UNC13C: variants seen among roughly 807,000 people sequenced by gnomAD.
UNC13C encodes the protein protein unc-13 homolog C.
In UNC13C, 174 loss-of-function variants were observed where a neutral mutation model predicts 245.4. The ratio of observed to expected loss-of-function variants is 0.71; its 90% CI spans 0.63 to 0.80. The LOEUF is 0.80. Among genes scored for constraint, UNC13C ranks in the 30% least tolerant of loss-of-function variants. UNC13C has a pLI of 0.00. For synonymous variants in UNC13C, 992 were observed against 895.1 expected (o/e 1.11, Z -1.93); for missense variants, 2,829 against 2,602.9 (o/e 1.09, Z -1.89).
the UNC13C span, among the ~76,000 whole-genome samples, chr15:53,942,143 T>G: frequency 6.6e-6 from 1 of 152,136 alleles, no homozygotes; most frequent in African/African-American, 2.4e-5. Flanking sequence ...AGCAAAGACA[T>G]GGAATCAATC....
At chr15:54,193,444 G>T (rs2034253356) in intron 4 of UNC13C, among the ~76,000 whole-genome samples, 1 of 151,448 alleles carries the variant, frequency 6.6e-6, no homozygotes, top group Non-Finnish European at 1.5e-5. Flanking sequence ...TTTATTTTTT[G>T]CCCTAAAGGC....
At chr15:54,197,665 T>A (rs2034400028) in intron 4 of UNC13C, among the ~76,000 whole-genome samples, 1 of 151,974 alleles carries the variant, frequency 6.6e-6, no homozygotes, top group African/African-American at 2.4e-5. Context: ...CCTTTAAAAA[T>A]AAAGCATCTG....
At chr15:54,452,079 T>TAGGGTGTGA (rs1567285218) in intron 19 of UNC13C, among the ~76,000 whole-genome samples, 3 of 152,218 alleles carry the variant, frequency 2.0e-5, no homozygotes, top group African/African-American at 7.2e-5. Flanking sequence ...AGGGTGTGAT[T>TAGGGTGTGA]CTTAGTGGAG....
chr15:53,976,452 CTTCT>C (rs1303814422), upstream of UNC13C, among the ~76,000 whole-genome samples: 96 of 102,178 alleles, frequency 9.4e-4, 3 homozygotes, highest in Non-Finnish European at 1.6e-3. Flanking sequence ...GTTTTTTTTT[CTTCT>C]TTCTCTCTCT....
chr15:54,071,704 A>G (rs1408271426), intron 2 of UNC13C, among the ~76,000 whole-genome samples: 1 of 152,214 alleles, frequency 6.6e-6, no homozygotes, highest in Non-Finnish European at 1.5e-5. Context: ...TGAAAATTGC[A>G]TACAATTTAA....
At chr15:54,530,076 G>A (rs1334613560) in intron 25 of UNC13C, among the ~76,000 whole-genome samples, 1 of 152,168 alleles carries the variant, frequency 6.6e-6, no homozygotes, top group Non-Finnish European at 1.5e-5. Flanking sequence ...AATCCTTAGA[G>A]TGGGTGAGGC....
intron 2 of UNC13C, among the ~76,000 whole-genome samples, chr15:54,033,415 GCTAA>G (rs1896448253): frequency 6.6e-6 from 1 of 151,976 alleles, no homozygotes; most frequent in African/African-American, 2.4e-5. Context: ...GGATTATTTT[GCTAA>G]CTTATTGACT....
At chr15:53,899,043 GT>G in the UNC13C span, among the ~76,000 whole-genome samples, 2 of 150,984 alleles carry the variant, frequency 1.3e-5, no homozygotes, top group African/African-American at 4.9e-5. Context: ...TTCTTCCAAT[GT>G]GTTTCCATAT....
chr15:53,898,936 C>T, the UNC13C span, among the ~76,000 whole-genome samples: 6 of 152,130 alleles, frequency 3.9e-5, no homozygotes, highest in Non-Finnish European at 8.8e-5. Flanking sequence ...TTGACCAACA[C>T]TTCTCCATAC....
At chr15:54,373,323 G>T (rs781241799) in intron 17 of UNC13C, among the ~76,000 whole-genome samples, 1 of 152,138 alleles carries the variant, frequency 6.6e-6, no homozygotes, top group African/African-American at 2.4e-5. Flanking sequence ...AGTTTTGCTC[G>T]AGCCCACTGG....
chr15:54,299,944 A>G (rs1466968732), intron 12 of UNC13C, among the ~76,000 whole-genome samples: 2 of 152,290 alleles, frequency 1.3e-5, no homozygotes, highest in Non-Finnish European at 2.9e-5. Flanking sequence ...ATCCAGAGCT[A>G]TTATGACATC....
chr15:54,603,216 T>C (rs1407363592), intron 30 of UNC13C, among the ~76,000 whole-genome samples: 1 of 152,204 alleles, frequency 6.6e-6, no homozygotes, highest in Non-Finnish European at 1.5e-5. Context: ...TCTGTGTGGA[T>C]TTGGGAGGAT....
intron 10 of UNC13C, among the ~76,000 whole-genome samples, chr15:54,285,188 G>A (rs2037110143): frequency 6.6e-6 from 1 of 151,620 alleles, no homozygotes. Context: ...ATTGACTTCT[G>A]AAATGGATTT....
upstream of UNC13C, among the ~76,000 whole-genome samples, chr15:53,976,482 T>TTTTA: frequency 7.8e-6 from 1 of 128,782 alleles, no homozygotes; most frequent in Non-Finnish European, 1.7e-5. Context: ...TCTCTCTTTT[T>TTTTA]TTTTTTTTTT....
chr15:54,341,687 C>T (rs574929517), intron 17 of UNC13C, among the ~76,000 whole-genome samples: 3 of 152,274 alleles, frequency 2.0e-5, no homozygotes, highest in South Asian at 2.1e-4. Flanking sequence ...TATTTCTCTG[C>T]TCTTGTTTAA....
the UNC13C span, among the ~76,000 whole-genome samples, chr15:53,926,981 A>T: frequency 6.6e-6 from 1 of 152,166 alleles, no homozygotes; most frequent in Admixed American, 6.5e-5. Flanking sequence ...TTTCCTCCAG[A>T]AAAAGGTCTT....
At chr15:53,904,720 A>G in the UNC13C span, among the ~76,000 whole-genome samples, 1 of 152,202 alleles carries the variant, frequency 6.6e-6, no homozygotes, top group East Asian at 1.9e-4. Context: ...GATCATTGAG[A>G]AAAGACTCCA....
chr15:54,167,132 A>G (rs937144147), intron 4 of UNC13C, among the ~76,000 whole-genome samples: 2 of 152,336 alleles, frequency 1.3e-5, no homozygotes, highest in South Asian at 2.1e-4. Flanking sequence ...AGAGTGAAAG[A>G]TATGAAAGCA....
rs116801564 is a variant in UNC13C, at chr15:54,499,357, C to T, written c.5061-722C>T. Among the ~76,000 whole-genome samples, 644 of 152,202 alleles carry T rather than the reference C, an allele frequency of 4.2e-3. 5 individuals carry two copies. Among genetic ancestry groups the T allele is most frequent in the African/African-American group, 0.015 (615 of 41,542 alleles). On this transcript the variant is annotated intron_variant, in intron 20 of 32. Coordinates refer to ENST00000260323, the MANE Select transcript of UNC13C (RefSeq NM_001080534.3). The stretch of plus-strand genomic sequence containing the variant: ...GATCAAAGCACCTCCTACCAGGCCC[C>T]ACCTCCAACATTGAGGACTACAGTT...
Sources: gnomAD v4.1 joint callset for allele counts (sites outside exome capture counted in the v4.1 genomes callset) on GRCh38, gnomAD v4.1.1 for gene constraint, MANE v1.5 for transcripts, NCBI Gene and HGNC (gene_info 2026-07-23, HGNC 2026-07-21) for gene names.